Variants in EIF4G3 observed in about 807,000 individuals in gnomAD.
EIF4G3 encodes the protein eIF-4-gamma 3.
Under a neutral mutation model 186.4 loss-of-function variants are expected in EIF4G3, and 34 were observed. The observed-to-expected ratio is 0.18, with a 90% CI of 0.14 to 0.24. The LOEUF (loss-of-function observed/expected upper bound fraction) is 0.24, where lower values mean the gene tolerates loss of function less well. Among genes scored for constraint, EIF4G3 ranks in the 10% least tolerant of loss-of-function variants. The pLI, the probability that EIF4G3 is intolerant of heterozygous loss-of-function variation, is 1.00. For synonymous variants in EIF4G3, 673 were observed against 679.5 expected (o/e 0.99, Z 0.15); for missense variants, 1,536 against 1,948.5 (o/e 0.79, Z 3.99).
chr1:20,844,832 C>A (rs1221065361), intron 29 of EIF4G3, among the ~76,000 whole-genome samples: 1 of 151,738 alleles, frequency 6.6e-6, no homozygotes, highest in African/African-American at 2.4e-5. Context: ...CACTCCATCT[C>A]AAAAAACAAA....
intron 4 of EIF4G3, among the ~76,000 whole-genome samples, chr1:21,045,405 T>A (rs893393079): frequency 6.6e-6 from 1 of 152,212 alleles, no homozygotes; most frequent in African/African-American, 2.4e-5. Flanking sequence ...CAGTGGATCA[T>A]ATACCATCAC....
chr1:21,025,405 T>TAC (rs1252523134), intron 4 of EIF4G3, among the ~76,000 whole-genome samples: 2 of 152,008 alleles, frequency 1.3e-5, no homozygotes, highest in African/African-American at 2.4e-5. Context: ...ACAGCCCAGG[T>TAC]ACATAGTGAT....
intron 17 of EIF4G3, 90 bp downstream of exon 17, chr1:20,895,278 T>C: frequency 7.0e-7 from 1 of 1,419,670 alleles, no homozygotes; most frequent in Non-Finnish European, 9.5e-7. Context: ...TAACAATTAC[T>C]AAAAACTGCT....
At chr1:21,055,848 A>T (rs2094538732) in intron 3 of EIF4G3, among the ~76,000 whole-genome samples, 1 of 152,172 alleles carries the variant, frequency 6.6e-6, no homozygotes, top group South Asian at 2.1e-4. Flanking sequence ...AATAAAGGAA[A>T]AATACATCTG....
chr1:21,068,050 T>G (rs1031574429), intron 3 of EIF4G3, among the ~76,000 whole-genome samples: 6 of 151,978 alleles, frequency 3.9e-5, no homozygotes, highest in Admixed American at 3.3e-4. Flanking sequence ...AAAAATTGAG[T>G]ATTGCTTTTG....
intron 3 of EIF4G3, among the ~76,000 whole-genome samples, chr1:21,085,399 A>G (rs1347415325): frequency 1.3e-5 from 2 of 152,094 alleles, no homozygotes; most frequent in Non-Finnish European, 2.9e-5. Flanking sequence ...AAATATTTTA[A>G]GTTTTCTTTT....
chr1:20,854,539 A>T (rs1051559799), intron 26 of EIF4G3, among the ~76,000 whole-genome samples: 39 of 60,876 alleles, frequency 6.4e-4, no homozygotes, highest in African/African-American at 1.0e-3. Flanking sequence ...ACAAAAAATT[A>T]AAAAAAAAAA....
chr1:20,814,348 T>A (rs938816115), intron 34 of EIF4G3, among the ~76,000 whole-genome samples: 1 of 152,228 alleles, frequency 6.6e-6, no homozygotes, highest in Non-Finnish European at 1.5e-5. Context: ...GCCAGTTCTA[T>A]GTGCAAATAT....
intron 18 of EIF4G3, among the ~76,000 whole-genome samples, chr1:20,891,434 A>G (rs1162229402): frequency 6.6e-6 from 1 of 152,088 alleles, no homozygotes; most frequent in African/African-American, 2.4e-5. Context: ...ACAGTAACAC[A>G]AATAAAAATT....
At chr1:21,158,282 C>A (rs2097698642) in intron 2 of EIF4G3, among the ~76,000 whole-genome samples, 1 of 148,974 alleles carries the variant, frequency 6.7e-6, no homozygotes, top group Non-Finnish European at 1.5e-5. Context: ...CTCAAGCAAT[C>A]CACCCACCTC....
intron 33 of EIF4G3, among the ~76,000 whole-genome samples, chr1:20,821,438 T>C (rs563794864): frequency 6.6e-6 from 1 of 152,356 alleles, no homozygotes; most frequent in South Asian, 2.1e-4. Flanking sequence ...CTGGTGTTGA[T>C]AATGCATGTA....
In EIF4G3 at chr1:21,012,986, C is replaced by A. The variant is rs1307789195; in HGVS notation, c.-66-10178G>T. ...TCCAGATTACAGGAGAAGGATTTAA[C>A]CTTACCTAGAACTAAAGCAGATTTA... On this transcript the variant is annotated intron_variant, in intron 4 of 36. Coordinates refer to ENST00000602326, the MANE Select transcript of EIF4G3 (RefSeq NM_001391906.1). 2.6e-5 allele frequency among the ~76,000 whole-genome samples: 4 copies of A among 152,080 alleles called. No individual in the cohort carries two copies. The South Asian group carries it at 6.2e-4, about 24-fold the overall frequency.
In EIF4G3 at chr1:20,889,778, C is replaced by T. The variant is rs189218849; in HGVS notation, c.2254-3407G>A. ...GTGCTGGAATTACAGGCGTGAACCA[C>T]CACGCCCGGCCCATAATTTTATTTT... is the stretch of plus-strand genomic sequence containing the variant. On this transcript the variant is annotated intron_variant, in intron 18 of 36. Coordinates refer to ENST00000602326, the MANE Select transcript of EIF4G3 (RefSeq NM_001391906.1). Among the ~76,000 whole-genome samples, 761 of 152,184 alleles carry T rather than the reference C, an allele frequency of 5.0e-3. 6 individuals are homozygous for T. The highest frequency in any genetic ancestry group is 0.017 in the African/African-American group (722 of 41,534).
chr1:21,169,509 T>C (rs1191644012), intron 2 of EIF4G3, among the ~76,000 whole-genome samples: 2 of 152,152 alleles, frequency 1.3e-5, no homozygotes, highest in African/African-American at 4.8e-5. Flanking sequence ...CTAATAAGAT[T>C]ATGAGTGATT....
At chr1:21,086,396 C>T (rs940293742) in intron 3 of EIF4G3, among the ~76,000 whole-genome samples, 1 of 148,758 alleles carries the variant, frequency 6.7e-6, no homozygotes, top group African/African-American at 2.6e-5. Context: ...CAGCTTAAAA[C>T]CCCCCCAACC....
At chr1:20,842,154 CAATAAA>C (rs755111063) in intron 29 of EIF4G3, among the ~76,000 whole-genome samples, 18 of 152,070 alleles carry the variant, frequency 1.2e-4, no homozygotes, top group South Asian at 6.2e-4. Context: ...ACTATAATGT[CAATAAA>C]AATATTTGAT....
chr1:21,111,910 G>A (rs892886276), intron 2 of EIF4G3, among the ~76,000 whole-genome samples: 3 of 152,186 alleles, frequency 2.0e-5, no homozygotes, highest in African/African-American at 4.8e-5. Context: ...AAGGGTCAGA[G>A]AGAAAACTGC....
chr1:20,881,187 CT>C (rs1199362808), intron 19 of EIF4G3, among the ~76,000 whole-genome samples: 6 of 152,142 alleles, frequency 3.9e-5, no homozygotes, highest in Non-Finnish European at 8.8e-5. Flanking sequence ...ATACGATGAA[CT>C]GATTTTCAAC....
chr1:20,980,850 A>T (rs568725077), intron 9 of EIF4G3, among the ~76,000 whole-genome samples, 198 bp downstream of exon 9: 2 of 152,332 alleles, frequency 1.3e-5, no homozygotes, highest in South Asian at 2.1e-4. Context: ...ATTTTAAAAA[A>T]TTTTAAGTAA....
Sources: gnomAD v4.1 joint callset for allele counts (sites outside exome capture counted in the v4.1 genomes callset) on GRCh38, gnomAD v4.1.1 for gene constraint, MANE v1.5 for transcripts, NCBI Gene and HGNC (gene_info 2026-07-23, HGNC 2026-07-21) for gene names.